LY96: variants seen among roughly 807,000 people sequenced by gnomAD.
LY96 encodes the protein myeloid differentiation protein-2.
LY96 carries 18 observed loss-of-function variants against 18.9 expected under a neutral mutation model. The observed-to-expected ratio is 0.95, with a 90% confidence interval of 0.66 to 1.41. The LOEUF (loss-of-function observed/expected upper bound fraction) is 1.41. Ranked by LOEUF, LY96 falls within the 40% of genes most tolerant of loss-of-function variation. The probability of loss-of-function intolerance (pLI) is 0.00; values close to 1 mark genes in which losing one functional copy is unlikely to be tolerated. For missense variants in LY96, 175 were observed against 182.4 expected (o/e 0.96, Z 0.23); for synonymous variants, 66 against 62.6 (o/e 1.06, Z -0.26).
rs746411046 is a variant in LY96 at position 74,026,816 on chromosome 8, C to T, written c.359C>T (p.Ser120Phe). 2 of 1,533,954 alleles carry T rather than the reference C, an allele frequency of 1.3e-6. No individual in the cohort carries two copies. Among genetic ancestry groups the T allele is most frequent in the Non-Finnish European group, 1.8e-6 (2 of 1,107,800 alleles). The part of the protein sequence containing the change: ...GETVNTTISF[S>F]FKGIKFSKGK... The stretch of plus-strand genomic sequence containing the variant: ...ACTGTGAATACAACAATATCATTCT[C>T]CTTCAAGGGAATAAAATTTTCTAAG... Residue 120 changes from serine to phenylalanine, a missense_variant, in exon 4 of 5, where the codon TCC (serine) becomes TTC (phenylalanine). Transcript: ENST00000284818.
chr8:74,069,712 C>T, the LY96 span, among the ~76,000 whole-genome samples: 1 of 152,122 alleles, frequency 6.6e-6, no homozygotes, highest in Non-Finnish European at 1.5e-5. Flanking sequence ...AAGCGATTCT[C>T]CCCTCTCAGC....
At chr8:74,039,395 G>A in the LY96 span, among the ~76,000 whole-genome samples, 981 of 152,200 alleles carry the variant, frequency 6.4e-3, 8 homozygotes, top group African/African-American at 0.023. Context: ...TCAGCCCTAG[G>A]GGGGTTAATG....
intron 3 of LY96, among the ~76,000 whole-genome samples, chr8:74,024,536 A>C (rs1816829231): frequency 6.6e-6 from 1 of 152,102 alleles, no homozygotes; most frequent in South Asian, 2.1e-4. Context: ...TGTTCTTAGC[A>C]CTTAACATGT....
At chr8:74,043,408 A>T in the LY96 span, among the ~76,000 whole-genome samples, 1 of 152,172 alleles carries the variant, frequency 6.6e-6, no homozygotes, top group Non-Finnish European at 1.5e-5. Context: ...TTGAGAGGTA[A>T]GATGCGAGCT....
chr8:74,050,719 CT>C, the LY96 span, among the ~76,000 whole-genome samples: 69 of 152,252 alleles, frequency 4.5e-4, no homozygotes, highest in South Asian at 1.7e-3. Context: ...TAGCAATGCT[CT>C]TTTAAACGTT....
intron 1 of LY96, among the ~76,000 whole-genome samples, chr8:73,994,254 T>C (rs1282696732): frequency 6.6e-6 from 1 of 152,194 alleles, no homozygotes; most frequent in East Asian, 1.9e-4. Context: ...GGCAAGCCAC[T>C]GGAATACACA....
At chr8:74,072,544 T>C in the LY96 span, among the ~76,000 whole-genome samples, 1 of 152,246 alleles carries the variant, frequency 6.6e-6, no homozygotes. Flanking sequence ...TAATGTTTTG[T>C]GTACCTTCAG....
chr8:74,070,443 G>A, the LY96 span, among the ~76,000 whole-genome samples: 2 of 152,204 alleles, frequency 1.3e-5, no homozygotes, highest in Non-Finnish European at 2.9e-5. Context: ...TCTTTAGATG[G>A]TGACAAATGA....
At chr8:74,033,889 A>T (rs1341943961), downstream of LY96, among the ~76,000 whole-genome samples, 3 of 146,616 alleles carry the variant, frequency 2.0e-5, no homozygotes, top group African/African-American at 5.3e-5. Context: ...TCAAAACAGG[A>T]CAATTGGAGA....
chr8:74,028,877 A>C, intron 4 of LY96, 79 bp from the exon 5 acceptor site: 8 of 828,738 alleles, frequency 9.7e-6, no homozygotes, highest in East Asian at 2.5e-5. Context: ...TCTGCTAGTA[A>C]GAGAAAGTTC....
chr8:73,998,339 A>C (rs556920782), intron 1 of LY96, among the ~76,000 whole-genome samples: 16 of 152,184 alleles, frequency 1.1e-4, no homozygotes, highest in Admixed American at 3.9e-4. Context: ...AGTATCACAA[A>C]TTCTGTACAC....
the LY96 span, among the ~76,000 whole-genome samples, chr8:74,057,121 T>C: frequency 6.6e-6 from 1 of 152,164 alleles, no homozygotes; most frequent in African/African-American, 2.4e-5. Flanking sequence ...AAACACATGA[T>C]GTAGTTTCAG....
chr8:74,007,577 T>C (rs961610807), intron 2 of LY96, among the ~76,000 whole-genome samples: 2 of 152,156 alleles, frequency 1.3e-5, no homozygotes, highest in African/African-American at 4.8e-5. Flanking sequence ...AAAAATAGGT[T>C]GAGAATGGAA....
intron 3 of LY96, among the ~76,000 whole-genome samples, chr8:74,013,071 C>T (rs2131271022): frequency 6.6e-6 from 1 of 152,070 alleles, no homozygotes. Flanking sequence ...ATCATCTAGT[C>T]ACAGCCTCCT....
At chr8:74,047,874 G>GTTTTA in the LY96 span, among the ~76,000 whole-genome samples, 131 of 151,904 alleles carry the variant, frequency 8.6e-4, no homozygotes, top group Middle Eastern at 3.4e-3. Flanking sequence ...ATTTCCCACT[G>GTTTTA]TTTTATTTTA....
intron 4 of LY96, among the ~76,000 whole-genome samples, chr8:74,027,986 A>G (rs1816903548): frequency 6.6e-6 from 1 of 152,212 alleles, no homozygotes; most frequent in Non-Finnish European, 1.5e-5. Flanking sequence ...TCGGACCCAC[A>G]ATAAAACTCG....
At chr8:74,032,774 A>G (rs765724012), downstream of LY96, among the ~76,000 whole-genome samples, 6 of 152,218 alleles carry the variant, frequency 3.9e-5, no homozygotes, top group Non-Finnish European at 8.8e-5. Context: ...AAAGAGCTTG[A>G]TTGGGTTGAT....
At chr8:74,092,983 A>C in the LY96 span, among the ~76,000 whole-genome samples, 1 of 152,214 alleles carries the variant, frequency 6.6e-6, no homozygotes, top group Middle Eastern at 3.4e-3. Flanking sequence ...AAAGTCTTTC[A>C]TGGTTTCTTA....
At position 73,996,606 on chromosome 8, in the gene LY96, A is replaced by T. The variant is rs559380341; in HGVS notation, c.112+5052A>T. 1.8e-4 allele frequency among the ~76,000 whole-genome samples: 28 copies of T among 151,418 alleles called. No individual in the cohort carries two copies. The East Asian group carries it at 5.5e-3, about 30-fold the overall frequency. Reference sequence around the variant, plus strand: ...CTATTTTTTTCTGTTTTTAGTAGAGACGGGGTTTCACCATGTTGGTCAGGC... The same window carrying T: ...CTATTTTTTTCTGTTTTTAGTAGAGTCGGGGTTTCACCATGTTGGTCAGGC... On this transcript the variant is annotated intron_variant, in intron 1 of 4. Transcript: ENST00000284818.
Sources: allele counts gnomAD v4.1 joint callset (sites outside exome capture counted in the v4.1 genomes callset), GRCh38; gene constraint gnomAD v4.1.1; transcripts MANE v1.5; gene names NCBI Gene and HGNC (gene_info 2026-07-23, HGNC 2026-07-21).